The following INTS13 variants were observed in gnomAD, a reference collection of about 807,000 sequenced individuals.
INTS13 encodes asunder, spermatogenesis regulator homolog (Drosphila).
Under a neutral mutation model 90.2 loss-of-function variants are expected in INTS13, and 35 were observed. The observed-to-expected ratio is 0.39, with a 90% confidence interval of 0.30 to 0.51. INTS13 has a LOEUF of 0.51. INTS13 is among the 20% of genes least tolerant of loss of function. The pLI is 0.80. For missense variants in INTS13, 601 were observed against 851.2 expected (o/e 0.71, Z 3.66); for synonymous variants, 309 against 277.1 (o/e 1.11, Z -1.14).
At chr12:26,910,854 G>A (rs1211167106) in intron 15 of INTS13, among the ~76,000 whole-genome samples, 2 of 149,816 alleles carry the variant, frequency 1.3e-5, no homozygotes, top group Non-Finnish European at 1.5e-5. Flanking sequence ...TTTTTTTTCT[G>A]AAACAGAGTC....
intron 5 of INTS13, among the ~76,000 whole-genome samples, chr12:26,927,466 A>G (rs1937942251): frequency 6.6e-6 from 1 of 152,222 alleles, no homozygotes; most frequent in African/African-American, 2.4e-5. Flanking sequence ...TATAGAGGAA[A>G]AAAAACTGTT....
At chr12:26,925,717 T>G in intron 6 of INTS13, 44 bp downstream of exon 6, 1 of 1,429,480 alleles carries the variant, frequency 7.0e-7, no homozygotes, top group Non-Finnish European at 9.8e-7. Context: ...GTATTTATTA[T>G]TATTAACCAC....
At chr12:26,919,314 T>C (rs2137473952) in intron 8 of INTS13, among the ~76,000 whole-genome samples, 1 of 152,184 alleles carries the variant, frequency 6.6e-6, no homozygotes, top group African/African-American at 2.4e-5. Flanking sequence ...AGAAGATTAG[T>C]ATGCTTTGAG....
intron 3 of INTS13, among the ~76,000 whole-genome samples, chr12:26,929,384 G>A (rs1938064262): frequency 6.6e-6 from 1 of 152,014 alleles, no homozygotes; most frequent in South Asian, 2.1e-4. Context: ...ATTCAACACT[G>A]TACTGGAAGT....
chr12:26,910,556 G>C (rs1951740631), intron 15 of INTS13, among the ~76,000 whole-genome samples: 1 of 152,140 alleles, frequency 6.6e-6, no homozygotes, highest in African/African-American at 2.4e-5. Context: ...CCCTTCCCCT[G>C]GCTGCTGCCA....
chr12:26,934,453 A>C, intron 3 of INTS13, 103 bp downstream of exon 3: 1 of 837,574 alleles, frequency 1.2e-6, no homozygotes. Context: ...TTTTAACACT[A>C]TATGCAAATC....
chr12:26,905,652 AT>A, intron 16 of INTS13, 116 bp from the exon 17 acceptor site: 1 of 1,019,492 alleles, frequency 9.8e-7, no homozygotes, highest in Non-Finnish European at 1.4e-6. Context: ...GAACATCAGC[AT>A]TTTAGGAAAG....
intron 3 of INTS13, among the ~76,000 whole-genome samples, chr12:26,931,372 A>G (rs908773495): frequency 2.6e-5 from 4 of 152,118 alleles, no homozygotes; most frequent in African/African-American, 9.7e-5. Flanking sequence ...TGAACCCGGG[A>G]GGCAGAGGTT....
At chr12:26,922,823 A>C (rs1937661385) in intron 7 of INTS13, 123 bp from the exon 8 acceptor site, 2 of 537,712 alleles carry the variant, frequency 3.7e-6, no homozygotes, top group Admixed American at 3.7e-5. Context: ...TAATTAGCTA[A>C]AATAATGGGA....
intron 6 of INTS13, among the ~76,000 whole-genome samples, chr12:26,924,993 C>G (rs57132521): frequency 0.028 from 4,310 of 152,182 alleles, 217 homozygotes; most frequent in African/African-American, 0.098. Flanking sequence ...AAATCTTACT[C>G]ATTCCAGGGC....
chr12:26,907,012 A>C (rs1196105241), intron 15 of INTS13, among the ~76,000 whole-genome samples: 1 of 152,234 alleles, frequency 6.6e-6, no homozygotes, highest in Non-Finnish European at 1.5e-5. Context: ...TCAGTTCATT[A>C]TCTAGGCAAT....
rs538514318 is a variant in INTS13, at chr12:26,921,783, G to A, written c.889+833C>T. Among the ~76,000 whole-genome samples the A allele has an allele frequency of 5.9e-5, 9 of 152,124 alleles. No homozygotes were observed. The South Asian group carries it at 1.2e-3, about 21-fold the overall frequency. ...AGATTCTCCTGCTTGAGCCTCACAC[G>A]TAACCAGGACTACAGGTACACGCCA... On this transcript the variant is annotated intron_variant, in intron 8 of 16. Transcript: ENST00000261191.
chr12:26,914,640 T>C (rs1015499464), intron 11 of INTS13, 62 bp from the exon 12 acceptor site: 4 of 1,329,726 alleles, frequency 3.0e-6, no homozygotes, highest in East Asian at 2.4e-5. Context: ...ATGGATTACA[T>C]GTACTAGTCT....
At chr12:26,937,504 C>G (rs1250172196) in intron 1 of INTS13, among the ~76,000 whole-genome samples, 1 of 152,176 alleles carries the variant, frequency 6.6e-6, no homozygotes, top group African/African-American at 2.4e-5. Flanking sequence ...ACTTTTAAAA[C>G]TTTTTCTTAT....
At chr12:26,913,741 AG>A in intron 13 of INTS13, 54 bp from the exon 14 acceptor site, 1 of 1,440,046 alleles carries the variant, frequency 6.9e-7, no homozygotes, top group African/African-American at 1.4e-5. Context: ...GTCACTTTCT[AG>A]TGGTAAAGTA....
chr12:26,916,892 A>T (rs1951949933), intron 10 of INTS13, among the ~76,000 whole-genome samples: 1 of 152,206 alleles, frequency 6.6e-6, no homozygotes, highest in African/African-American at 2.4e-5. Flanking sequence ...ATATTTATTT[A>T]TGATAAAGGT....
At chr12:26,906,202 T>C (rs1049701138) in intron 16 of INTS13, 100 bp downstream of exon 16, 1 of 1,138,576 alleles carries the variant, frequency 8.8e-7, no homozygotes, top group Admixed American at 2.5e-5. Flanking sequence ...GTTCATAATA[T>C]TAGTAATAAA....
At chr12:26,926,901 A>T (rs1206361936) in intron 5 of INTS13, among the ~76,000 whole-genome samples, 1 of 152,160 alleles carries the variant, frequency 6.6e-6, no homozygotes, top group East Asian at 1.9e-4. Flanking sequence ...ATTCAGCCCC[A>T]CTCTGCTATC....
chr12:26,926,351 C>T (rs564081330), intron 5 of INTS13, among the ~76,000 whole-genome samples: 3 of 152,176 alleles, frequency 2.0e-5, no homozygotes, highest in Admixed American at 1.3e-4. Context: ...CAACGTATGT[C>T]CTTCACCTAG....
Sources: allele counts gnomAD v4.1 joint callset (sites outside exome capture counted in the v4.1 genomes callset), GRCh38; gene constraint gnomAD v4.1.1; transcripts MANE v1.5; gene names NCBI Gene and HGNC (gene_info 2026-07-23, HGNC 2026-07-21).